The following GPC5 variants were observed in gnomAD, a reference collection of about 807,000 sequenced individuals.
GPC5 encodes glypican-5.
In GPC5, 47 loss-of-function variants were observed where a neutral mutation model predicts 53.9. The observed-to-expected ratio is 0.87, with a 90% CI of 0.69 to 1.11. The LOEUF (loss-of-function observed/expected upper bound fraction) is 1.11. GPC5 is among the 50% of genes most tolerant of loss of function. The pLI, the probability that GPC5 is intolerant of heterozygous loss-of-function variation, is 0.00. For synonymous variants in GPC5, 286 were observed against 263.3 expected, an observed-to-expected ratio of 1.09 and a Z score of -0.84; for missense variants, 748 against 713.1, an observed-to-expected ratio of 1.05 and a Z score of -0.56.
chr13:91,764,781 C>G (rs2037489129), intron 5 of GPC5, among the ~76,000 whole-genome samples: 1 of 152,080 alleles, frequency 6.6e-6, no homozygotes. Context: ...TTGTAGTTGG[C>G]AGGTTTCGAG....
intron 5 of GPC5, among the ~76,000 whole-genome samples, chr13:91,764,241 G>A (rs1440407514): frequency 6.6e-6 from 1 of 152,006 alleles, no homozygotes; most frequent in East Asian, 1.9e-4. Flanking sequence ...TCATTCTCAG[G>A]TCAATATACA....
At chr13:91,423,305 T>C (rs74423144) in intron 1 of GPC5, among the ~76,000 whole-genome samples, 5,304 of 152,302 alleles carry the variant, frequency 0.035, 139 homozygotes, top group Non-Finnish European at 0.051. Context: ...ATTATTGCTT[T>C]GTGGCTGTTT....
chr13:92,688,287 G>C (rs1887300585), intron 7 of GPC5, among the ~76,000 whole-genome samples: 1 of 91,336 alleles, frequency 1.1e-5, no homozygotes, highest in Non-Finnish European at 2.0e-5. Context: ...TCCTGGTTTA[G>C]TCTTGGGAGA....
intron 7 of GPC5, among the ~76,000 whole-genome samples, chr13:92,420,677 A>AT (rs1248442209): frequency 6.6e-6 from 1 of 151,808 alleles, no homozygotes; most frequent in South Asian, 2.1e-4. Context: ...CCATCCTTCT[A>AT]TTTTCCATCT....
intron 7 of GPC5, among the ~76,000 whole-genome samples, chr13:92,823,958 C>T (rs758691877): frequency 1.8e-4 from 28 of 152,036 alleles, no homozygotes; most frequent in Non-Finnish European, 3.5e-4. Context: ...CTTTTTTCCC[C>T]TTTACTGATG....
intron 7 of GPC5, among the ~76,000 whole-genome samples, chr13:92,188,677 T>C (rs1405527704): frequency 2.0e-5 from 3 of 152,226 alleles, no homozygotes; most frequent in Non-Finnish European, 4.4e-5. Context: ...AACAGGGTTT[T>C]TCACATTTCT....
chr13:92,670,275 C>T (rs1268805795), intron 7 of GPC5, among the ~76,000 whole-genome samples: 2 of 152,100 alleles, frequency 1.3e-5, no homozygotes, highest in Admixed American at 6.6e-5. Flanking sequence ...GGAGACGAGG[C>T]TTGAGACACA....
chr13:91,682,540 G>A (rs1168111819), intron 2 of GPC5, among the ~76,000 whole-genome samples: 1 of 152,098 alleles, frequency 6.6e-6, no homozygotes, highest in Non-Finnish European at 1.5e-5. Context: ...CTAATTATAG[G>A]GCATTTGAAC....
chr13:91,515,224 G>A (rs1885433936), intron 2 of GPC5, among the ~76,000 whole-genome samples: 1 of 152,132 alleles, frequency 6.6e-6, no homozygotes, highest in Non-Finnish European at 1.5e-5. Flanking sequence ...ACTTTATGCT[G>A]TAATTTGACC....
intron 5 of GPC5, among the ~76,000 whole-genome samples, chr13:91,801,322 T>G (rs1299052483): frequency 6.6e-6 from 1 of 151,494 alleles, no homozygotes; most frequent in African/African-American, 2.4e-5. Context: ...ATGTTTGGTC[T>G]GTTTAATTTT....
intron 7 of GPC5, among the ~76,000 whole-genome samples, chr13:92,531,481 A>C (rs1881561394): frequency 6.6e-6 from 1 of 150,938 alleles, no homozygotes; most frequent in African/African-American, 2.4e-5. Context: ...ATATATATTC[A>C]TATAAAGAGA....
At chr13:92,199,989 C>T (rs747274772) in intron 7 of GPC5, among the ~76,000 whole-genome samples, 28 of 152,204 alleles carry the variant, frequency 1.8e-4, no homozygotes, top group Non-Finnish European at 3.7e-4. Context: ...GTATGTCATG[C>T]TGAAAAACAC....
chr13:91,750,036 C>T (rs1263916867), intron 4 of GPC5, among the ~76,000 whole-genome samples: 4 of 152,200 alleles, frequency 2.6e-5, no homozygotes, highest in African/African-American at 9.6e-5. Flanking sequence ...TCTCAAACTC[C>T]TGACCTCAAT....
intron 3 of GPC5, among the ~76,000 whole-genome samples, chr13:91,702,768 A>T (rs965748266): frequency 1.3e-5 from 2 of 152,004 alleles, no homozygotes; most frequent in Non-Finnish European, 2.9e-5. Flanking sequence ...TAATTCAAGA[A>T]CGTGGACATC....
At chr13:92,454,317 T>C (rs73632216) in intron 7 of GPC5, among the ~76,000 whole-genome samples, 24,634 of 152,196 alleles carry the variant, frequency 0.16, 2,359 homozygotes, top group East Asian at 0.46. Flanking sequence ...TGTTGTTTTT[T>C]TGCTTCTGTT....
intron 7 of GPC5, among the ~76,000 whole-genome samples, chr13:92,285,365 G>A (rs968516881): frequency 6.6e-6 from 1 of 152,014 alleles, no homozygotes; most frequent in African/African-American, 2.4e-5. Context: ...ACCAATGACT[G>A]TCTTCACAGA....
chr13:92,721,279 A>G (rs1340082702), intron 7 of GPC5, among the ~76,000 whole-genome samples: 1 of 152,050 alleles, frequency 6.6e-6, no homozygotes, highest in African/African-American at 2.4e-5. Flanking sequence ...CCAATAAACA[A>G]GCAGAATTTG....
At position 92,072,152 on chromosome 13, in the gene GPC5, T is replaced by G. The variant is rs1050682052; in HGVS notation, c.1402-72678T>G. On this transcript the variant is annotated intron_variant, in intron 6 of 7. Coordinates refer to ENST00000377067, the MANE Select transcript of GPC5 (RefSeq NM_004466.6). The stretch of plus-strand genomic sequence containing the variant: ...AATGATCATTTTATTAATGAATGAA[T>G]AAAATGTATATATAATGAATGAATA... 1.0e-4 allele frequency among the ~76,000 whole-genome samples: 15 copies of G among 147,312 alleles called. No individual in the cohort carries two copies. The Admixed American group carries it at 1.0e-3, about 10-fold the overall frequency.
chr13:92,018,618 T>G (rs998380802), intron 6 of GPC5, among the ~76,000 whole-genome samples: 5 of 152,004 alleles, frequency 3.3e-5, no homozygotes, highest in Non-Finnish European at 7.4e-5. Context: ...TAAGTGAAGT[T>G]TAAGAAAAAA....
Sources: gnomAD v4.1 joint callset for allele counts (sites outside exome capture counted in the v4.1 genomes callset) on GRCh38, gnomAD v4.1.1 for gene constraint, MANE v1.5 for transcripts, NCBI Gene and HGNC (gene_info 2026-07-23, HGNC 2026-07-21) for gene names.